B4GALT1: variants seen among roughly 807,000 people sequenced by gnomAD.
B4GALT1 encodes beta-1,4-galactosyltransferase 1.
B4GALT1 carries 16 observed loss-of-function variants against 34.9 expected under a neutral mutation model. The observed-to-expected ratio is 0.46, with a 90% CI of 0.31 to 0.70. The LOEUF is 0.70. Among genes scored for constraint, B4GALT1 ranks in the 30% least tolerant of loss-of-function variants. B4GALT1 has a pLI of 0.05. For synonymous variants in B4GALT1, 221 were observed against 218.1 expected (o/e 1.01, Z -0.12); for missense variants, 445 against 530.5 (o/e 0.84, Z 1.58).
intron 2 of B4GALT1, among the ~76,000 whole-genome samples, chr9:33,132,243 G>C (rs985094624): frequency 6.6e-6 from 1 of 151,416 alleles, no homozygotes; most frequent in African/African-American, 2.4e-5. Context: ...GGGAGGGAGG[G>C]AGGACGGGCA....
chr9:33,175,771 G>A, the B4GALT1 span, among the ~76,000 whole-genome samples: 127,820 of 152,186 alleles, frequency 0.84, 54,028 homozygotes, highest in Middle Eastern at 0.94. Flanking sequence ...ACCTAGATGT[G>A]TAGTGGGCTG....
upstream of B4GALT1, chr9:33,167,359 C>T: frequency 1.5e-6 from 1 of 658,296 alleles, no homozygotes; most frequent in Non-Finnish European, 2.1e-6. Flanking sequence ...CCCGAGGCGC[C>T]GGCGGAGAGG....
chr9:33,125,082 G>A (rs1055660072), intron 2 of B4GALT1, among the ~76,000 whole-genome samples: 2 of 152,200 alleles, frequency 1.3e-5, no homozygotes, highest in Non-Finnish European at 2.9e-5. Context: ...AGAAGGAGAA[G>A]ACAGGCCCCC....
chr9:33,150,087 A>G (rs1840487969), intron 1 of B4GALT1, among the ~76,000 whole-genome samples: 2 of 152,048 alleles, frequency 1.3e-5, no homozygotes, highest in Admixed American at 1.3e-4. Context: ...CCTTGTTGTT[A>G]GGAAATATAC....
chr9:33,183,668 A>G, the B4GALT1 span, among the ~76,000 whole-genome samples: 4 of 144,924 alleles, frequency 2.8e-5, no homozygotes, highest in East Asian at 8.6e-4. Flanking sequence ...GCATTGGGAG[A>G]TATACCCAAT....
upstream of B4GALT1, among the ~76,000 whole-genome samples, chr9:33,168,053 C>G (rs1840798670): frequency 6.6e-6 from 1 of 152,160 alleles, no homozygotes; most frequent in East Asian, 1.9e-4. Context: ...AGGAGAGCAG[C>G]AAGAAGCCTC....
intron 2 of B4GALT1, among the ~76,000 whole-genome samples, chr9:33,121,488 G>A (rs1447845238): frequency 3.3e-5 from 5 of 150,738 alleles, no homozygotes; most frequent in South Asian, 4.2e-4. Context: ...TTAGCCTCGC[G>A]AGTAGCTGGG....
upstream of B4GALT1, among the ~76,000 whole-genome samples, chr9:33,172,216 C>G (rs1191609612): frequency 6.6e-6 from 1 of 151,940 alleles, no homozygotes; most frequent in Non-Finnish European, 1.5e-5. Flanking sequence ...TGGGCTGGCT[C>G]AAGTCTCCCT....
rs10701535 is a variant in B4GALT1, at chr9:33,150,233, TACACACAC to T, written c.413-14817_413-14810del. Among the ~76,000 whole-genome samples the T allele has an allele frequency of 3.6e-3, 493 of 138,170 alleles. 2 individuals carry two copies. Among genetic ancestry groups the T allele is most frequent in the Middle Eastern group, 0.014 (4 of 284 alleles). 90.6% of individuals were successfully genotyped at this position (138,170 alleles called of 152,430 possible). A position where few individuals can be genotyped will look rare whatever the true frequency, so the allele number is the denominator to read the frequency against. On this transcript the variant is annotated intron_variant, in intron 1 of 5. Coordinates refer to ENST00000379731, the MANE Select transcript of B4GALT1 (RefSeq NM_001497.4). ...TAATATCTATCTATCTACAGGTAGA[TACACACAC>T]ACACACACACACACACACACACACA...
At chr9:33,173,320 A>G in the B4GALT1 span, among the ~76,000 whole-genome samples, 5 of 151,538 alleles carry the variant, frequency 3.3e-5, no homozygotes, top group African/African-American at 1.2e-4. Flanking sequence ...CAGGAGAATC[A>G]CTTGAACCTG....
At position 33,111,430 on chromosome 9, in the gene B4GALT1, C is replaced by CT. The variant is rs1477087146; in HGVS notation, c.*2023_*2024insA. 8 of 152,534 alleles carry CT rather than the reference C, an allele frequency of 5.2e-5. No individual in the cohort carries two copies. The highest frequency in any genetic ancestry group is 8.8e-5 in the Non-Finnish European group (6 of 68,032). The allele number at this position is 152,534 out of a possible 1,614,324, so 9.4% of individuals were successfully genotyped here. A position where few individuals can be genotyped will look rare whatever the true frequency, so the allele number is the denominator to read the frequency against. ...TCATTCTTCTTATTTCCCACAACTC[C>CT]CTCTCAATGCAGTCATTTCTAGTTT... On this transcript the variant is annotated 3_prime_UTR_variant, in exon 6 of 6. Coordinates refer to ENST00000379731, the MANE Select transcript of B4GALT1 (RefSeq NM_001497.4).
At chr9:33,128,328 G>A (rs768981008) in intron 2 of B4GALT1, among the ~76,000 whole-genome samples, 1 of 152,132 alleles carries the variant, frequency 6.6e-6, no homozygotes, top group Non-Finnish European at 1.5e-5. Flanking sequence ...AAGCTGCAAG[G>A]GAAAAGGGGC....
chr9:33,151,983 CT>C (rs1840523311), intron 1 of B4GALT1, among the ~76,000 whole-genome samples: 1 of 152,136 alleles, frequency 6.6e-6, no homozygotes, highest in African/African-American at 2.4e-5. Context: ...TGAAAGCAAC[CT>C]GAAGTCATAA....
At chr9:33,181,802 G>A in the B4GALT1 span, among the ~76,000 whole-genome samples, 8 of 152,202 alleles carry the variant, frequency 5.3e-5, no homozygotes, top group Non-Finnish European at 1.0e-4. Context: ...GTCTGGAGTA[G>A]CAAGGGTGCT....
chr9:33,120,668 AG>A (rs1259397279), intron 2 of B4GALT1, 62 bp from the exon 3 acceptor site: 42 of 1,558,818 alleles, frequency 2.7e-5, no homozygotes, highest in Non-Finnish European at 3.3e-5. Context: ...AAACACTCAC[AG>A]GGACTGGTGA....
chr9:33,174,593 G>C, the B4GALT1 span, among the ~76,000 whole-genome samples: 2 of 151,932 alleles, frequency 1.3e-5, no homozygotes, highest in South Asian at 4.2e-4. Context: ...AGGTTGCGGT[G>C]AGCGGAGATC....
intron 1 of B4GALT1, among the ~76,000 whole-genome samples, chr9:33,139,451 C>T (rs1395940922): frequency 6.6e-6 from 1 of 152,206 alleles, no homozygotes; most frequent in Non-Finnish European, 1.5e-5. Context: ...TCCTGCCCTT[C>T]TTGCCAATCT....
the B4GALT1 span, among the ~76,000 whole-genome samples, chr9:33,176,987 A>G: frequency 1.3e-5 from 2 of 152,174 alleles, no homozygotes; most frequent in African/African-American, 4.8e-5. Flanking sequence ...TTTACGGGGA[A>G]GGTCTTAGAA....
chr9:33,116,429 G>A (rs1416722717), intron 3 of B4GALT1, among the ~76,000 whole-genome samples: 1 of 151,272 alleles, frequency 6.6e-6, no homozygotes, highest in Non-Finnish European at 1.5e-5. Flanking sequence ...TCACCATGTT[G>A]GTCAGGATGG....
Sources: allele counts gnomAD v4.1 joint callset (sites outside exome capture counted in the v4.1 genomes callset), GRCh38; gene constraint gnomAD v4.1.1; transcripts MANE v1.5; gene names NCBI Gene and HGNC (gene_info 2026-07-23, HGNC 2026-07-21).